Variants in WDFY3 observed in about 807,000 individuals in gnomAD.
The protein encoded by WDFY3 is WD repeat and FYVE domain-containing protein 3.
In WDFY3, 66 loss-of-function variants were observed where a neutral mutation model predicts 409.6. The ratio of observed to expected loss-of-function variants is 0.16; its 90% CI spans 0.13 to 0.20. The LOEUF (loss-of-function observed/expected upper bound fraction) is 0.20. Ranked by LOEUF, WDFY3 falls within the 10% of genes least tolerant of loss-of-function variation. The pLI is 1.00. For missense variants in WDFY3, 3,031 were observed against 4,298.1 expected, an observed-to-expected ratio of 0.71 and a Z score of 8.24; for synonymous variants, 1,521 against 1,537.1, an observed-to-expected ratio of 0.99 and a Z score of 0.25.
At chr4:84,916,933 A>G (rs1369806201) in intron 2 of WDFY3, among the ~76,000 whole-genome samples, 2 of 152,158 alleles carry the variant, frequency 1.3e-5, no homozygotes, top group African/African-American at 2.4e-5. Context: ...CTCTCCTCTA[A>G]TAACATTAAA....
At chr4:84,788,439 C>T (rs1747911143) in intron 22 of WDFY3, among the ~76,000 whole-genome samples, 1 of 152,092 alleles carries the variant, frequency 6.6e-6, no homozygotes, top group Admixed American at 6.6e-5. Context: ...AATAAATTTC[C>T]TATTGCTCAA....
In WDFY3 at chr4:84,860,492, C is replaced by T; in HGVS notation, c.100G>A (p.Glu34Lys). ...GLMHLRRLFT[E>K]LCHPPRHMTQ... ...ATGTGCCGGGGAGGATGGCACAACT[C>T]CGTGAAGAGCCGGCGGAGGTGCATC... is the stretch of plus-strand genomic sequence containing the variant. Residue 34 changes from glutamate (E) to lysine (K), a missense_variant, in exon 4 of 68, where the codon GAG becomes AAG. Coordinates refer to ENST00000295888, the MANE Select transcript of WDFY3 (RefSeq NM_014991.6). 1 of 1,614,112 alleles carries T rather than the reference C, an allele frequency of 6.2e-7. No individual in the cohort carries two copies. Among genetic ancestry groups the T allele is most frequent in the Non-Finnish European group, 8.5e-7 (1 of 1,180,010 alleles).
In WDFY3 at chr4:84,783,032, T is replaced by C; in HGVS notation, c.4105A>G (p.Ile1369Val). ...SHENATPVKLIHNSAGHLNGS... is the reference protein window; with the variant it reads ...SHENATPVKLVHNSAGHLNGS... ...TTAAGATGTCCTGCTGAATTGTGTA[T>C]CAACTTCACAGGAGTGGCATTCTCA... The change falls in exon 25 of 68, where the codon ATA becomes GTA. Residue 1369 changes from isoleucine to valine, a missense_variant. Physicochemically the swap from Ile to Val is conservative, Grantham distance 29. Around this residue, in one of 16 missense-constraint regions of WDFY3, gnomAD observed 1,322 missense variants for 1,697.9 expected, o/e 0.78. Transcript: ENST00000295888. The C allele has an allele frequency of 6.2e-7, 1 of 1,614,124 alleles. No homozygotes were observed. Among genetic ancestry groups the C allele is most frequent in the Non-Finnish European group, 8.5e-7 (1 of 1,180,012 alleles).
intron 24 of WDFY3, among the ~76,000 whole-genome samples, chr4:84,783,426 C>T (rs1033556281): frequency 2.6e-5 from 4 of 152,098 alleles, no homozygotes; most frequent in Admixed American, 1.3e-4. Context: ...ATGCAGTCAA[C>T]GGAGATTGTG....
chr4:84,736,417 C>A (rs1014898589), intron 41 of WDFY3, 90 bp from the exon 42 acceptor site: 43 of 1,225,482 alleles, frequency 3.5e-5, no homozygotes, highest in Non-Finnish European at 4.6e-5. Context: ...AAACTACAAC[C>A]CTGTAGTTAA....
intron 1 of WDFY3, among the ~76,000 whole-genome samples, chr4:84,957,223 TAAGTGGGCTA>T (rs1774343246): frequency 7.2e-6 from 1 of 139,216 alleles, no homozygotes; most frequent in Admixed American, 7.5e-5. Flanking sequence ...GTGCCTGCAT[TAAGTGGGCTA>T]ACAGATACAA....
chr4:84,891,134 G>A (rs112676601), intron 3 of WDFY3, among the ~76,000 whole-genome samples: 2 of 152,154 alleles, frequency 1.3e-5, no homozygotes, highest in Admixed American at 6.5e-5. Flanking sequence ...ACAGACAGCC[G>A]CAGCTCCCTT....
At chr4:84,860,924 A>G (rs892399059) in intron 3 of WDFY3, among the ~76,000 whole-genome samples, 3 of 152,134 alleles carry the variant, frequency 2.0e-5, no homozygotes, top group Non-Finnish European at 2.9e-5. Flanking sequence ...GTTCAAAAAT[A>G]AAGGCGCCGG....
rs1361085017 is a variant in WDFY3, at chr4:84,721,450, C to G, written c.7564G>C (p.Asp2522His). ...AACAGGCGCAGTAAGGTAGCATTATCTGTTTTCTCCTCCTCTTCTATGGAG... is the reference window on the plus strand; with the variant it reads ...AACAGGCGCAGTAAGGTAGCATTATGTGTTTTCTCCTCCTCTTCTATGGAG... ...GSSIEEEEKT[D>H]NATLLRLLEE... is the part of the protein sequence containing the mutation. The change falls in exon 47 of 68, where the codon GAT becomes CAT. Residue 2522 changes from aspartate to histidine, a missense_variant. Physicochemically the swap from Asp to His is moderately conservative, Grantham distance 81. Coordinates refer to ENST00000295888, the MANE Select transcript of WDFY3 (RefSeq NM_014991.6). 1 of 1,613,756 alleles carries G rather than the reference C, an allele frequency of 6.2e-7. No homozygotes were observed.
chr4:84,902,132 T>C (rs531088089), intron 2 of WDFY3, among the ~76,000 whole-genome samples: 44 of 152,326 alleles, frequency 2.9e-4, no homozygotes, highest in African/African-American at 8.9e-4. Flanking sequence ...TCTGGCATTA[T>C]ATTCCATACA....
chr4:84,858,278 G>A (rs545196666), intron 4 of WDFY3, among the ~76,000 whole-genome samples: 61 of 152,218 alleles, frequency 4.0e-4, no homozygotes, highest in Admixed American at 1.0e-3. Flanking sequence ...GAAGGTGACT[G>A]TTCCTCCCCA....
intron 40 of WDFY3, 86 bp downstream of exon 40, chr4:84,738,924 T>C: frequency 2.1e-6 from 3 of 1,418,546 alleles, no homozygotes; most frequent in East Asian, 2.3e-5. Context: ...ATGCTGGCAG[T>C]TTCTGAAGCC....
At chr4:84,713,097 C>A (rs1337415568) in intron 51 of WDFY3, 62 bp downstream of exon 51, 1 of 1,547,596 alleles carries the variant, frequency 6.5e-7, no homozygotes, top group African/African-American at 1.4e-5. Flanking sequence ...ATAATACTGT[C>A]CAGATATGAA....
chr4:84,752,293 C>T (rs1450538697), intron 35 of WDFY3, among the ~76,000 whole-genome samples: 1 of 152,118 alleles, frequency 6.6e-6, no homozygotes, highest in Non-Finnish European at 1.5e-5. Context: ...ATAGGCAGAT[C>T]ACCTGAGATC....
intron 37 of WDFY3, 106 bp downstream of exon 37, chr4:84,743,594 A>T: frequency 1.4e-6 from 1 of 727,438 alleles, no homozygotes; most frequent in Non-Finnish European, 2.0e-6. Flanking sequence ...ATGAGAAGCT[A>T]GACAAAAAAG....
At chr4:84,870,067 T>C (rs1267805153) in intron 3 of WDFY3, among the ~76,000 whole-genome samples, 1 of 152,200 alleles carries the variant, frequency 6.6e-6, no homozygotes, top group African/African-American at 2.4e-5. Flanking sequence ...CCGCATTATG[T>C]TATTATAATC....
intron 1 of WDFY3, among the ~76,000 whole-genome samples, chr4:84,937,644 C>T (rs1478597733): frequency 1.3e-5 from 2 of 152,094 alleles, no homozygotes; most frequent in East Asian, 1.9e-4. Context: ...AATCATAAAT[C>T]GTATAACATC....
intron 1 of WDFY3, among the ~76,000 whole-genome samples, chr4:84,953,516 C>G (rs1676447226): frequency 6.6e-6 from 1 of 151,968 alleles, no homozygotes; most frequent in African/African-American, 2.4e-5. Context: ...TATGTTATCT[C>G]ATAACATCAT....
At position 84,751,556 on chromosome 4, in the gene WDFY3, C is replaced by T. The variant is rs1230885922; in HGVS notation, c.5900G>A (p.Arg1967Gln). 10 of 1,613,992 alleles carry T rather than the reference C, an allele frequency of 6.2e-6. No homozygotes were observed. Among genetic ancestry groups the T allele is most frequent in the South Asian group, 2.2e-5 (2 of 91,078 alleles). ...ACAGAGGTTGTCTATGATTAAGACCCGCATGAAGTCAAAAACGAACTTTTT... is the reference window on the plus strand; with the variant it reads ...ACAGAGGTTGTCTATGATTAAGACCTGCATGAAGTCAAAAACGAACTTTTT... ...PAKKFVFDFM[R>Q]VLIIDNLCLT... Residue 1967 changes from arginine to glutamine, a missense_variant, in exon 36 of 68, where the codon CGG becomes CAG. Arg to Gln is a conservative substitution (Grantham distance 43). This residue lies in a region of WDFY3 where 314 missense variants were observed against 397.4 expected (regional missense o/e 0.79). Coordinates refer to ENST00000295888, the MANE Select transcript of WDFY3 (RefSeq NM_014991.6).
Sources: gnomAD v4.1 joint callset for allele counts (sites outside exome capture counted in the v4.1 genomes callset) on GRCh38, gnomAD v4.1.1 for gene constraint, gnomAD v4.1.1 regional missense constraint, MANE v1.5 for transcripts, NCBI Gene and HGNC (gene_info 2026-07-23, HGNC 2026-07-21) for gene names.